Variants in CEP112 observed in about 807,000 individuals in gnomAD.
CEP112 encodes centrosomal protein 112.
A neutral mutation model predicts 153.0 loss-of-function variants in CEP112; 127 were observed. The observed-to-expected ratio is 0.83, with a 90% CI of 0.72 to 0.96. The LOEUF (loss-of-function observed/expected upper bound fraction) is 0.96. CEP112 is among the 40% of genes least tolerant of loss of function. The pLI is 0.00. For missense variants in CEP112, 1,089 were observed against 1,101.2 expected, an observed-to-expected ratio of 0.99 and a Z score of 0.16; for synonymous variants, 358 against 374.4, an observed-to-expected ratio of 0.96 and a Z score of 0.51.
intron 24 of CEP112, among the ~76,000 whole-genome samples, chr17:65,660,246 TTTTC>T (rs201793308): frequency 0.088 from 12,744 of 145,170 alleles, 683 homozygotes; most frequent in Non-Finnish European, 0.11. Flanking sequence ...CTCTTTTTTG[TTTTC>T]TTTCTTTTTT....
chr17:65,675,219 G>A (rs574107077), intron 24 of CEP112, among the ~76,000 whole-genome samples: 1 of 152,228 alleles, frequency 6.6e-6, no homozygotes, highest in Non-Finnish European at 1.5e-5. Context: ...TTAGACAGAA[G>A]TAAAAGTAGA....
intron 6 of CEP112, among the ~76,000 whole-genome samples, chr17:66,121,124 C>T (rs1249939676): frequency 6.6e-6 from 1 of 151,958 alleles, no homozygotes; most frequent in Non-Finnish European, 1.5e-5. Context: ...ACTAAAAATA[C>T]AAAAAGTTAG....
At chr17:66,019,726 A>T (rs887616615) in intron 16 of CEP112, among the ~76,000 whole-genome samples, 1 of 152,226 alleles carries the variant, frequency 6.6e-6, no homozygotes, top group South Asian at 2.1e-4. Flanking sequence ...TTGATACCGC[A>T]TGGAAAGGGA....
intron 21 of CEP112, among the ~76,000 whole-genome samples, chr17:65,805,726 C>G (rs2055558623): frequency 6.6e-6 from 1 of 152,166 alleles, no homozygotes; most frequent in Non-Finnish European, 1.5e-5. Context: ...TTGAAACAAT[C>G]TCTTTAAAAC....
At chr17:66,027,368 C>T (rs1046674941) in intron 16 of CEP112, 133 bp downstream of exon 16, 37 of 838,192 alleles carry the variant, frequency 4.4e-5, no homozygotes, top group South Asian at 3.9e-4. Flanking sequence ...CAGAGCAAGA[C>T]TCTGTCTAAA....
intron 21 of CEP112, among the ~76,000 whole-genome samples, chr17:65,761,491 A>C (rs1416390133): frequency 6.6e-6 from 1 of 152,054 alleles, no homozygotes; most frequent in Non-Finnish European, 1.5e-5. Flanking sequence ...ATGAAAGCTT[A>C]GGCTATTGAT....
At chr17:66,156,003 T>C (rs1237136888) in intron 4 of CEP112, among the ~76,000 whole-genome samples, 1 of 152,196 alleles carries the variant, frequency 6.6e-6, no homozygotes, top group African/African-American at 2.4e-5. Flanking sequence ...AAGAGAGCAG[T>C]GGATCTCCCA....
intron 19 of CEP112, among the ~76,000 whole-genome samples, chr17:65,921,471 T>G (rs897780623): frequency 1.1e-4 from 17 of 152,164 alleles, no homozygotes; most frequent in African/African-American, 3.6e-4. Context: ...TTGTATATTG[T>G]CACATCAATA....
At chr17:65,918,759 G>A (rs1021026976) in intron 19 of CEP112, among the ~76,000 whole-genome samples, 2 of 152,160 alleles carry the variant, frequency 1.3e-5, no homozygotes, top group Non-Finnish European at 2.9e-5. Flanking sequence ...ATGAAAGCTT[G>A]GGCTTTACAG....
intron 23 of CEP112, among the ~76,000 whole-genome samples, chr17:65,712,003 C>T (rs1042984163): frequency 1.3e-5 from 2 of 152,204 alleles, no homozygotes; most frequent in African/African-American, 4.8e-5. Context: ...ACTTTCCCCA[C>T]AGCCAGAGGC....
At chr17:66,061,364 C>T (rs946873866) in intron 11 of CEP112, among the ~76,000 whole-genome samples, 4 of 152,026 alleles carry the variant, frequency 2.6e-5, no homozygotes, top group Non-Finnish European at 4.4e-5. Flanking sequence ...TTAGGGAAAA[C>T]TGTGTGGTTC....
At chr17:65,996,008 T>A (rs926242700) in intron 17 of CEP112, among the ~76,000 whole-genome samples, 1 of 152,144 alleles carries the variant, frequency 6.6e-6, no homozygotes, top group East Asian at 1.9e-4. Context: ...TTTTTCTTTA[T>A]AAATTACCCA....
At chr17:66,060,808 GAGAAA>G (rs2066893058) in intron 11 of CEP112, among the ~76,000 whole-genome samples, 1 of 151,312 alleles carries the variant, frequency 6.6e-6, no homozygotes, top group Non-Finnish European at 1.5e-5. Context: ...GAACTACTAG[GAGAAA>G]ACATAGAGGA....
In CEP112 at chr17:66,056,737, G is replaced by A. The variant is rs867104490; in HGVS notation, c.1075-2858C>T. 2.6e-5 allele frequency among the ~76,000 whole-genome samples: 4 copies of A among 152,160 alleles called. No homozygotes were observed. The South Asian group carries it at 8.3e-4, about 31-fold the overall frequency. On this transcript the variant is annotated intron_variant, in intron 11 of 26. Transcript: ENST00000535342. ...ATGGTTGAAGAGCCTGGGGTGTGGG[G>A]AGTGGTAACTGACTGCTGATGGATA...
At chr17:65,826,781 C>A (rs1055984409) in intron 21 of CEP112, among the ~76,000 whole-genome samples, 2 of 152,154 alleles carry the variant, frequency 1.3e-5, no homozygotes, top group African/African-American at 4.8e-5. Context: ...AATGAACTAG[C>A]ATATTTTTTC....
intron 21 of CEP112, among the ~76,000 whole-genome samples, chr17:65,766,719 A>G (rs902813935): frequency 1.1e-4 from 16 of 151,424 alleles, no homozygotes; most frequent in Non-Finnish European, 8.8e-5. Flanking sequence ...AAAAAAAAAA[A>G]AGAGAGAACA....
chr17:65,765,005 CTGA>C (rs146173778), intron 21 of CEP112, among the ~76,000 whole-genome samples: 37,656 of 113,764 alleles, frequency 0.33, 4,636 homozygotes, highest in East Asian at 0.62. Context: ...CTATTTTACA[CTGA>C]TAACAACTTA....
At chr17:65,890,241 T>C (rs2059416731) in intron 20 of CEP112, among the ~76,000 whole-genome samples, 5 of 152,146 alleles carry the variant, frequency 3.3e-5, no homozygotes, top group Admixed American at 6.5e-5. Flanking sequence ...GGTAGAGGCA[T>C]TGCAGATGGC....
At chr17:66,022,604 G>A (rs1045751037) in intron 16 of CEP112, among the ~76,000 whole-genome samples, 7 of 151,772 alleles carry the variant, frequency 4.6e-5, no homozygotes, top group Admixed American at 4.6e-4. Context: ...AGCTACTCAG[G>A]AGGCTGAGGC....
Sources: allele counts gnomAD v4.1 joint callset (sites outside exome capture counted in the v4.1 genomes callset), GRCh38; gene constraint gnomAD v4.1.1; transcripts MANE v1.5; gene names NCBI Gene and HGNC (gene_info 2026-07-23, HGNC 2026-07-21).